ZNF277: variants seen among roughly 807,000 people sequenced by gnomAD.
ZNF277 encodes the protein zinc finger protein 277.
ZNF277 carries 55 observed loss-of-function variants against 60.7 expected under a neutral mutation model. The observed-to-expected ratio is 0.91, with a 90% CI of 0.73 to 1.13. The LOEUF (loss-of-function observed/expected upper bound fraction) is 1.13. ZNF277 is among the 50% of genes most tolerant of loss of function. The pLI, the probability that ZNF277 is intolerant of heterozygous loss-of-function variation, is 0.00. For synonymous variants in ZNF277, 178 were observed against 179.3 expected (o/e 0.99, Z 0.06); for missense variants, 510 against 523.0 (o/e 0.98, Z 0.24).
chr7:112,222,364 C>A (rs1164459709), intron 1 of ZNF277, among the ~76,000 whole-genome samples: 1 of 152,190 alleles, frequency 6.6e-6, no homozygotes, highest in Non-Finnish European at 1.5e-5. Context: ...AATCTCCTTA[C>A]CTGATATTGA....
At chr7:112,225,094 A>G (rs2116968234) in intron 1 of ZNF277, among the ~76,000 whole-genome samples, 1 of 152,346 alleles carries the variant, frequency 6.6e-6, no homozygotes, top group East Asian at 1.9e-4. Context: ...CTGGAAAAAG[A>G]ATTAAAGTTG....
intron 1 of ZNF277, among the ~76,000 whole-genome samples, chr7:112,216,641 G>T (rs1232567646): frequency 6.6e-6 from 1 of 152,130 alleles, no homozygotes; most frequent in Non-Finnish European, 1.5e-5. Context: ...AGCACTCCTG[G>T]TTAAGATTTC....
At chr7:112,316,915 A>G (rs914716793) in intron 4 of ZNF277, among the ~76,000 whole-genome samples, 5 of 152,110 alleles carry the variant, frequency 3.3e-5, no homozygotes, top group Admixed American at 2.0e-4. Context: ...ATGCCCATCA[A>G]TGATAGACTG....
At chr7:112,216,717 T>A (rs1419306074) in intron 1 of ZNF277, among the ~76,000 whole-genome samples, 1 of 152,038 alleles carries the variant, frequency 6.6e-6, no homozygotes, top group Admixed American at 6.5e-5. Flanking sequence ...CAAATATCAG[T>A]AAAAGAAAGA....
intron 1 of ZNF277, among the ~76,000 whole-genome samples, chr7:112,247,380 T>C (rs2117004044): frequency 6.6e-6 from 1 of 152,304 alleles, no homozygotes; most frequent in Admixed American, 6.5e-5. Flanking sequence ...GGTGCAGCTA[T>C]AAAATTTTGA....
chr7:112,233,963 C>T (rs1019812647), intron 1 of ZNF277, among the ~76,000 whole-genome samples: 13 of 151,782 alleles, frequency 8.6e-5, no homozygotes, highest in African/African-American at 2.7e-4. Flanking sequence ...TCTTGCCTTC[C>T]TCTATTCAGT....
chr7:112,212,219 C>G (rs1821768363), intron 1 of ZNF277, among the ~76,000 whole-genome samples: 2 of 152,166 alleles, frequency 1.3e-5, no homozygotes, highest in African/African-American at 4.8e-5. Flanking sequence ...AAGCCTGTAA[C>G]TGAATGACCT....
chr7:112,232,913 C>A (rs76674595), intron 1 of ZNF277, among the ~76,000 whole-genome samples: 1,890 of 152,180 alleles, frequency 0.012, 50 homozygotes, highest in African/African-American at 0.043. Context: ...ACCTATCTAA[C>A]CCTAATTCAT....
At chr7:112,251,506 A>G (rs1208261996) in intron 1 of ZNF277, among the ~76,000 whole-genome samples, 1 of 152,186 alleles carries the variant, frequency 6.6e-6, no homozygotes, top group Non-Finnish European at 1.5e-5. Context: ...TTTTTGTTTT[A>G]TATGTATATG....
At chr7:112,237,607 G>T (rs1373065467) in intron 1 of ZNF277, among the ~76,000 whole-genome samples, 2 of 151,998 alleles carry the variant, frequency 1.3e-5, no homozygotes, top group Middle Eastern at 3.2e-3. Context: ...TAGAGGAAAT[G>T]GATACATTTC....
chr7:112,221,406 C>T (rs914687585), intron 1 of ZNF277, among the ~76,000 whole-genome samples: 9 of 152,210 alleles, frequency 5.9e-5, no homozygotes, highest in Admixed American at 1.3e-4. Context: ...GAGGAAGGAC[C>T]CCCGGTAACA....
At chr7:112,330,740 C>T (rs1315710772) in intron 7 of ZNF277, among the ~76,000 whole-genome samples, 2 of 151,680 alleles carry the variant, frequency 1.3e-5, no homozygotes, top group Non-Finnish European at 2.9e-5. Flanking sequence ...GATTACACCA[C>T]ACTTGGCTAA....
intron 7 of ZNF277, among the ~76,000 whole-genome samples, chr7:112,334,885 ATTTTTGG>A (rs1793300712): frequency 6.6e-6 from 1 of 152,104 alleles, no homozygotes; most frequent in Non-Finnish European, 1.5e-5. Flanking sequence ...TGTTGAGGCC[ATTTTTGG>A]TGTTCTGTAA....
chr7:112,280,631 CT>C (rs569905324), intron 1 of ZNF277, among the ~76,000 whole-genome samples: 134 of 145,632 alleles, frequency 9.2e-4, no homozygotes, highest in Non-Finnish European at 8.2e-4. Context: ...TATCTATTGT[CT>C]TTTTTTTTTT....
chr7:112,210,106 C>T (rs2116944001), intron 1 of ZNF277, among the ~76,000 whole-genome samples: 1 of 152,200 alleles, frequency 6.6e-6, no homozygotes, highest in Admixed American at 6.5e-5. Flanking sequence ...TGCAACAAAC[C>T]TCCAAGTTGT....
At chr7:112,230,645 G>C (rs1822299024) in intron 1 of ZNF277, among the ~76,000 whole-genome samples, 1 of 152,118 alleles carries the variant, frequency 6.6e-6, no homozygotes, top group African/African-American at 2.4e-5. Flanking sequence ...GTGGAAATCT[G>C]CACTTTTAAA....
chr7:112,314,419 CTAAA>C (rs768125862), intron 4 of ZNF277, among the ~76,000 whole-genome samples: 3 of 152,066 alleles, frequency 2.0e-5, no homozygotes, highest in Non-Finnish European at 4.4e-5. Context: ...TAATACACAA[CTAAA>C]TAGTGTCATA....
At chr7:112,291,189 G>C (rs1267126146) in intron 2 of ZNF277, among the ~76,000 whole-genome samples, 2 of 152,014 alleles carry the variant, frequency 1.3e-5, no homozygotes, top group Non-Finnish European at 2.9e-5. Context: ...AATTGCTCTG[G>C]AAAATAAATG....
chr7:112,296,477 T>G (rs1267681618), intron 4 of ZNF277, among the ~76,000 whole-genome samples, 166 bp downstream of exon 4: 1 of 151,870 alleles, frequency 6.6e-6, no homozygotes, highest in Non-Finnish European at 1.5e-5. Context: ...AAGTATACAC[T>G]TGACTGAAAA....
Sources: gnomAD v4.1 joint callset for allele counts (sites outside exome capture counted in the v4.1 genomes callset) on GRCh38, gnomAD v4.1.1 for gene constraint, MANE v1.5 for transcripts, NCBI Gene and HGNC (gene_info 2026-07-23, HGNC 2026-07-21) for gene names.